Variants in TMEM132C observed in about 807,000 individuals in gnomAD.
TMEM132C encodes transmembrane protein 132C, also known as protein phosphatase 1, regulatory subunit 152.
TMEM132C carries 29 observed loss-of-function variants against 61.4 expected under a neutral mutation model. That is an observed-to-expected ratio of 0.47 (90% CI 0.35 to 0.64). TMEM132C has a LOEUF of 0.64. Ranked by LOEUF, TMEM132C falls within the 30% of genes least tolerant of loss-of-function variation. The probability of loss-of-function intolerance (pLI) is 0.00; values close to 1 mark genes in which losing one functional copy is unlikely to be tolerated. For missense variants in TMEM132C, 1,408 were observed against 1,476.9 expected (o/e 0.95, Z 0.76); for synonymous variants, 656 against 633.1 (o/e 1.04, Z -0.54).
chr12:128,616,179 G>A lies in TMEM132C; in HGVS notation c.1149G>A (p.Val383=). ...GCAGCAGTTTATTCAATGAGGTTGT[G>A]CAGATGAACTTTGAAATAGCCAGTT... ...NRSSSLFNEV[V]QMNFEIASFS... is the part of the protein sequence containing the mutation. Residue 383 remains valine (V), a synonymous_variant, in exon 4 of 9, where the codon GTG becomes GTA. Transcript: ENST00000435159. 1.3e-6 allele frequency: 2 copies of A among 1,551,748 alleles called. No individual in the cohort carries two copies. The highest frequency in any genetic ancestry group is 8.7e-7 in the Non-Finnish European group (1 of 1,146,978).
chr12:128,669,561 G>T lies in TMEM132C; in HGVS notation c.1449+1G>T. ...GTCCACAGACGAGGACGTTATCAAA[G>T]TAAGTCATTCCACAGCCAGCTGGAT... On this transcript the variant is annotated splice_donor_variant, in intron 5 of 8. Coordinates refer to ENST00000435159, the MANE Select transcript of TMEM132C (RefSeq NM_001136103.3). LOFTEE classifies it high-confidence loss of function. The T allele has an allele frequency of 6.4e-7, 1 of 1,551,148 alleles. No individual in the cohort carries two copies. Among genetic ancestry groups the T allele is most frequent in the Non-Finnish European group, 8.7e-7 (1 of 1,146,748 alleles).
At chr12:128,339,688 A>AAAG (rs1872896052) in intron 1 of TMEM132C, among the ~76,000 whole-genome samples, 1 of 151,942 alleles carries the variant, frequency 6.6e-6, no homozygotes, top group African/African-American at 2.4e-5. Flanking sequence ...AAAAAAAAAA[A>AAAG]AAAGCTCTTG....
intron 1 of TMEM132C, among the ~76,000 whole-genome samples, chr12:128,372,607 G>C (rs569117598): frequency 1.3e-5 from 2 of 152,242 alleles, no homozygotes; most frequent in South Asian, 4.2e-4. Context: ...ATCCTGTCTA[G>C]TTCCAAAAAG....
intron 1 of TMEM132C, among the ~76,000 whole-genome samples, chr12:128,289,285 T>A (rs1193398): frequency 0.1 from 15,458 of 152,250 alleles, 925 homozygotes; most frequent in East Asian, 0.2. Flanking sequence ...CACATGCTCA[T>A]GTGCGCACAC....
intron 4 of TMEM132C, among the ~76,000 whole-genome samples, chr12:128,644,036 A>G (rs1005090269): frequency 6.6e-5 from 10 of 152,248 alleles, no homozygotes; most frequent in African/African-American, 2.2e-4. Flanking sequence ...ACTGCAAATT[A>G]AAGCCACAAT....
At chr12:128,627,702 G>A (rs1242439352) in intron 4 of TMEM132C, among the ~76,000 whole-genome samples, 1 of 152,178 alleles carries the variant, frequency 6.6e-6, no homozygotes, top group Non-Finnish European at 1.5e-5. Context: ...CCCCTGTCCT[G>A]CTGCCTTCAA....
At chr12:128,696,751 C>G (rs544347480) in intron 7 of TMEM132C, among the ~76,000 whole-genome samples, 2 of 152,176 alleles carry the variant, frequency 1.3e-5, no homozygotes, top group African/African-American at 4.8e-5. Context: ...CCCTGGACAT[C>G]TCAAGCCCAA....
At chr12:128,455,828 G>C (rs1011845164) in intron 2 of TMEM132C, among the ~76,000 whole-genome samples, 1 of 152,260 alleles carries the variant, frequency 6.6e-6, no homozygotes, top group Middle Eastern at 3.4e-3. Context: ...GGGGGAGCCC[G>C]GGGGTAGATT....
chr12:128,272,301 G>C (rs894218367), intron 1 of TMEM132C, among the ~76,000 whole-genome samples: 1 of 152,136 alleles, frequency 6.6e-6, no homozygotes, highest in Non-Finnish European at 1.5e-5. Flanking sequence ...TTTTGGATCT[G>C]CTTTCTTCTA....
chr12:128,452,351 C>T (rs936853003), intron 2 of TMEM132C, among the ~76,000 whole-genome samples: 15 of 151,846 alleles, frequency 9.9e-5, no homozygotes, highest in African/African-American at 3.6e-4. Flanking sequence ...TCTCCCACCT[C>T]GGCCTCCCAA....
At chr12:128,641,470 T>A (rs1298027683) in intron 4 of TMEM132C, among the ~76,000 whole-genome samples, 2 of 152,174 alleles carry the variant, frequency 1.3e-5, no homozygotes, top group East Asian at 3.9e-4. Context: ...CTAAATCCAA[T>A]GGCAAGTGTC....
intron 1 of TMEM132C, among the ~76,000 whole-genome samples, chr12:128,377,742 C>T (rs1355044812): frequency 6.6e-6 from 1 of 152,168 alleles, no homozygotes; most frequent in Non-Finnish European, 1.5e-5. Context: ...CTGCCCAGCT[C>T]CTCATTGTTA....
At chr12:128,365,301 G>A (rs372521136) in intron 1 of TMEM132C, among the ~76,000 whole-genome samples, 1 of 152,210 alleles carries the variant, frequency 6.6e-6, no homozygotes, top group East Asian at 1.9e-4. Context: ...GAAACACATA[G>A]GAATGCTCAA....
chr12:128,679,787 A>C lies in TMEM132C; in HGVS notation c.1449+10227A>C, dbSNP rs1014602579. On this transcript the variant is annotated intron_variant, in intron 5 of 8. Coordinates refer to ENST00000435159, the MANE Select transcript of TMEM132C (RefSeq NM_001136103.3). ...TAATAGCAGAGATAGAAAGTATATAAGTAAACAAACATAAAAGCAAGTTCA... is the reference window on the plus strand; with the variant it reads ...TAATAGCAGAGATAGAAAGTATATACGTAAACAAACATAAAAGCAAGTTCA... Among the ~76,000 whole-genome samples, 2 of 152,240 alleles carry C rather than the reference A, an allele frequency of 1.3e-5. 1 individual carries two copies. The highest frequency in any genetic ancestry group is 1.3e-4 in the Admixed American group (2 of 15,288).
chr12:128,412,105 CT>C (rs1363384274), intron 1 of TMEM132C, among the ~76,000 whole-genome samples: 2 of 152,214 alleles, frequency 1.3e-5, no homozygotes, highest in African/African-American at 4.8e-5. Context: ...TCCAAAATTA[CT>C]TGGATTAGTT....
At chr12:128,687,297 A>G (rs1954685196) in intron 5 of TMEM132C, among the ~76,000 whole-genome samples, 1 of 151,882 alleles carries the variant, frequency 6.6e-6, no homozygotes, top group Non-Finnish European at 1.5e-5. Context: ...TGCTATTGAC[A>G]TCTGGGGTGG....
At chr12:128,544,610 C>A (rs890174274) in intron 3 of TMEM132C, among the ~76,000 whole-genome samples, 3 of 150,200 alleles carry the variant, frequency 2.0e-5, no homozygotes, top group Admixed American at 6.7e-5. Flanking sequence ...GCAATTCAGA[C>A]TCATTTTAGA....
chr12:128,562,692 C>A (rs990084105), intron 3 of TMEM132C, among the ~76,000 whole-genome samples: 5 of 152,186 alleles, frequency 3.3e-5, no homozygotes, highest in Admixed American at 3.3e-4. Context: ...GTGGAGCAGA[C>A]AAGGGCAAGC....
chr12:128,298,835 G>A (rs1197879399), intron 1 of TMEM132C, among the ~76,000 whole-genome samples: 1 of 152,216 alleles, frequency 6.6e-6, no homozygotes, highest in African/African-American at 2.4e-5. Context: ...AGAGCACCTT[G>A]TACCTGTCCT....
Sources: gnomAD v4.1 joint callset for allele counts (sites outside exome capture counted in the v4.1 genomes callset) on GRCh38, gnomAD v4.1.1 for gene constraint, MANE v1.5 for transcripts, NCBI Gene and HGNC (gene_info 2026-07-23, HGNC 2026-07-21) for gene names.